Variants in CACNA2D2 observed in about 807,000 individuals in gnomAD.
CACNA2D2 encodes the protein voltage-dependent calcium channel subunit alpha-2/delta-2.
CACNA2D2 carries 48 observed loss-of-function variants against 166.4 expected under a neutral mutation model. The ratio of observed to expected loss-of-function variants is 0.29; its 90% CI spans 0.23 to 0.37. The LOEUF (loss-of-function observed/expected upper bound fraction) is 0.37, where lower values mean the gene tolerates loss of function less well. Among genes scored for constraint, CACNA2D2 ranks in the 10% least tolerant of loss-of-function variants. The pLI, the probability that CACNA2D2 is intolerant of heterozygous loss-of-function variation, is 1.00. For synonymous variants in CACNA2D2, 561 were observed against 573.7 expected (o/e 0.98, Z 0.32); for missense variants, 1,122 against 1,433.0 (o/e 0.78, Z 3.50).
At chr3:50,429,705 G>A (rs1480114947) in intron 3 of CACNA2D2, among the ~76,000 whole-genome samples, 1 of 151,004 alleles carries the variant, frequency 6.6e-6, no homozygotes, top group African/African-American at 2.4e-5. Context: ...GGGAGGCGGA[G>A]CTTACAGTAA....
intron 13 of CACNA2D2, 137 bp downstream of exon 13, chr3:50,378,778 C>A: frequency 9.9e-7 from 1 of 1,005,522 alleles, no homozygotes; most frequent in Non-Finnish European, 1.5e-6. Flanking sequence ...TGAGGGACAG[C>A]CTCGTGGATG....
intron 3 of CACNA2D2, among the ~76,000 whole-genome samples, chr3:50,408,451 G>A (rs757805696): frequency 2.0e-5 from 3 of 152,170 alleles, no homozygotes; most frequent in Non-Finnish European, 2.9e-5. Context: ...CCAGGCAGAG[G>A]TGACAGGCAG....
chr3:50,389,739 T>C (rs587663129), intron 4 of CACNA2D2, among the ~76,000 whole-genome samples: 2 of 152,340 alleles, frequency 1.3e-5, no homozygotes, highest in South Asian at 2.1e-4. Context: ...GGGGGACATG[T>C]CACCCAGGAG....
At chr3:50,432,120 G>T (rs1466569919) in intron 3 of CACNA2D2, among the ~76,000 whole-genome samples, 3 of 152,200 alleles carry the variant, frequency 2.0e-5, no homozygotes, top group Non-Finnish European at 2.9e-5. Context: ...TCCAGCAAGG[G>T]GGGTGCAGGG....
intron 3 of CACNA2D2, among the ~76,000 whole-genome samples, chr3:50,405,861 T>A (rs991998795): frequency 7.2e-5 from 11 of 152,196 alleles, no homozygotes; most frequent in Non-Finnish European, 1.6e-4. Flanking sequence ...TAAGGCCTGT[T>A]TGTAGCTTTT....
At chr3:50,492,704 G>A (rs1024201974) in intron 1 of CACNA2D2, among the ~76,000 whole-genome samples, 1 of 152,200 alleles carries the variant, frequency 6.6e-6, no homozygotes. Context: ...GCCACAGGCC[G>A]AGTGAGAAAT....
intron 3 of CACNA2D2, among the ~76,000 whole-genome samples, chr3:50,398,933 CCCTGCACAGATA>C (rs1341324856): frequency 6.6e-6 from 1 of 152,230 alleles, no homozygotes; most frequent in Non-Finnish European, 1.5e-5. Flanking sequence ...CTGGGAGCAG[CCCTGCACAGATA>C]CCTGCAAATC....
At chr3:50,377,407 C>T (rs778513032) in intron 17 of CACNA2D2, 60 bp downstream of exon 17, 200 of 1,408,630 alleles carry the variant, frequency 1.4e-4, no homozygotes, top group Non-Finnish European at 1.9e-4. Flanking sequence ...GTCTTCTCTG[C>T]TGAGCCTGCC....
intron 4 of CACNA2D2, among the ~76,000 whole-genome samples, chr3:50,389,809 C>G (rs1473240619): frequency 6.6e-6 from 1 of 152,214 alleles, no homozygotes; most frequent in African/African-American, 2.4e-5. Context: ...TCTCCCTGCC[C>G]CCCAGGGCTT....
At chr3:50,435,533 TAAG>T (rs1223765746) in intron 2 of CACNA2D2, among the ~76,000 whole-genome samples, 1 of 147,090 alleles carries the variant, frequency 6.8e-6, no homozygotes, top group African/African-American at 2.5e-5. Flanking sequence ...TGAGGGGAGA[TAAG>T]GAGGGGGGAG....
intron 3 of CACNA2D2, among the ~76,000 whole-genome samples, chr3:50,401,031 T>C (rs1480477142): frequency 1.3e-5 from 2 of 152,148 alleles, no homozygotes; most frequent in South Asian, 4.1e-4. Context: ...GTTTACACCT[T>C]AAAGATAAAA....
rs1705026443 is a variant in CACNA2D2 at position 50,376,915 on chromosome 3, C to T, written c.1626+552G>A. Among the ~76,000 whole-genome samples, 1 of 152,258 alleles carries T rather than the reference C, an allele frequency of 6.6e-6. No individual in the cohort carries two copies. The highest frequency in any genetic ancestry group is 2.4e-5 in the African/African-American group (1 of 41,468). ...TATGATTGTTTTTCACCTTTGGGCC[C>T]TTGGCCAGAGAATTCCCTCTGCCTC... is the stretch of plus-strand genomic sequence containing the variant. On this transcript the variant is annotated intron_variant, in intron 17 of 37. Coordinates refer to ENST00000424201, the MANE Select transcript of CACNA2D2 (RefSeq NM_006030.4). The surrounding 1 kb of genome is among the most constrained non-coding windows in gnomAD (Gnocchi z 4.3).
intron 2 of CACNA2D2, 79 bp from the exon 3 acceptor site, chr3:50,434,508 C>T (rs975104797): frequency 9.2e-6 from 9 of 973,680 alleles, no homozygotes; most frequent in Non-Finnish European, 1.3e-5. Context: ...CCCCTCTGCA[C>T]AGCTCACCTC....
At chr3:50,412,653 C>A (rs529160300) in intron 3 of CACNA2D2, among the ~76,000 whole-genome samples, 1 of 152,286 alleles carries the variant, frequency 6.6e-6, no homozygotes, top group South Asian at 2.1e-4. Flanking sequence ...AGGCTTGATG[C>A]AGCTGCTGCT....
At chr3:50,449,177 G>A (rs113686174) in intron 2 of CACNA2D2, among the ~76,000 whole-genome samples, 1 of 152,224 alleles carries the variant, frequency 6.6e-6, no homozygotes, top group Non-Finnish European at 1.5e-5. Flanking sequence ...GCCAAGAGAG[G>A]AACAAACCCT....
Position 50,384,284 on chromosome 3 carries a change from C to T in CACNA2D2, c.564G>A (p.Arg188=), listed in dbSNP as rs148615584. Residue 188 remains arginine (R), a synonymous_variant, in exon 6 of 38, where the codon AGG becomes AGA. Transcript: ENST00000424201. ...AGTTTGGGTCCTCGATGAAGTCCAG[C>T]CTTAGGGTGCTGGCCTTAGACCCCC... is the stretch of plus-strand genomic sequence containing the variant. The part of the protein sequence containing the change: ...VERGSKASTL[R]LDFIEDPNFK... 3.1e-6 allele frequency: 5 copies of T among 1,614,164 alleles called. No homozygotes were observed. Among genetic ancestry groups the T allele is most frequent in the Non-Finnish European group, 4.2e-6 (5 of 1,180,012 alleles).
At chr3:50,378,160 G>A (rs1458622125) in intron 14 of CACNA2D2, 63 bp from the exon 15 acceptor site, 20 of 1,578,508 alleles carry the variant, frequency 1.3e-5, no homozygotes, top group Admixed American at 3.4e-5. Context: ...GTTCTGTCTC[G>A]CCAGGCATTG....
chr3:50,446,111 C>T (rs1708834631), intron 2 of CACNA2D2, among the ~76,000 whole-genome samples: 1 of 152,236 alleles, frequency 6.6e-6, no homozygotes, highest in Non-Finnish European at 1.5e-5. Context: ...TTAGCCTGAA[C>T]AGCCATGAAC....
chr3:50,383,586 G>A (rs1705439345), intron 6 of CACNA2D2, among the ~76,000 whole-genome samples: 1 of 152,140 alleles, frequency 6.6e-6, no homozygotes, highest in Non-Finnish European at 1.5e-5. Flanking sequence ...TCCCCATTGT[G>A]TAAAGCTGCC....
Sources: gnomAD v4.1 joint callset for allele counts (sites outside exome capture counted in the v4.1 genomes callset) on GRCh38, gnomAD v4.1.1 for gene constraint, Gnocchi (gnomAD v3.1) non-coding constraint, MANE v1.5 for transcripts, NCBI Gene and HGNC (gene_info 2026-07-23, HGNC 2026-07-21) for gene names.